Variants in SLC19A1 observed in about 807,000 individuals in gnomAD.
SLC19A1 encodes solute carrier family 19 member 1.
Under a neutral mutation model 35.3 loss-of-function variants are expected in SLC19A1, and 37 were observed. That is an observed-to-expected ratio of 1.05 (90% CI 0.81 to 1.38). The LOEUF (loss-of-function observed/expected upper bound fraction) is 1.38, where lower values mean the gene tolerates loss of function less well. SLC19A1 is among the 40% of genes most tolerant of loss of function. SLC19A1 has a pLI of 0.00. For missense variants in SLC19A1, 831 were observed against 826.9 expected (o/e 1.00, Z -0.06); for synonymous variants, 460 against 398.5 (o/e 1.15, Z -1.84).
At position 45,514,678 on chromosome 21, in the gene SLC19A1, A is replaced by C. The variant is rs961595908; in HGVS notation, c.*980T>G. On this transcript the variant is annotated 3_prime_UTR_variant, in exon 6 of 6. Coordinates refer to ENST00000311124, the MANE Select transcript of SLC19A1 (RefSeq NM_194255.4). ...CACTGACTGCTGACCCTCAACCCCC[A>C]GGCCAGGCCGGCCCTGAATCAGAAG... is the stretch of plus-strand genomic sequence containing the variant. 1 of 282,998 alleles carries C rather than the reference A, an allele frequency of 3.5e-6. No homozygotes were observed. Among genetic ancestry groups the C allele is most frequent in the Non-Finnish European group, 6.5e-6 (1 of 153,068 alleles). 17.5% of individuals were successfully genotyped at this position (282,998 alleles called of 1,614,324 possible). A position where few individuals can be genotyped will look rare whatever the true frequency, so the allele number is the denominator to read the frequency against.
At chr21:45,516,205 C>A in intron 5 of SLC19A1, 65 bp from the exon 6 acceptor site, 1 of 1,285,226 alleles carries the variant, frequency 7.8e-7, no homozygotes, top group Non-Finnish European at 1.1e-6. Context: ...ACCCTACACC[C>A]CGACGCCTGC....
At chr21:45,503,823 A>AT in intron 3 of SLC19A1, 2 of 411,026 alleles carry the variant, frequency 4.9e-6, no homozygotes. Context: ...AATAAAAATA[A>AT]AAAGGCACCA....
intron 5 of SLC19A1, among the ~76,000 whole-genome samples, chr21:45,522,274 C>G (rs1000431755): frequency 1.3e-5 from 2 of 152,072 alleles, no homozygotes; most frequent in African/African-American, 4.8e-5. Flanking sequence ...CAGGGAAATG[C>G]AAATTAAAAC....
rs747833734 is a variant in SLC19A1, at chr21:45,505,894, G to T, written c.498-7282C>A. 1.9e-6 allele frequency: 3 copies of T among 1,612,818 alleles called. No homozygotes were observed. The African/African-American group carries it at 4.0e-5, about 22-fold the overall frequency. ...TGGGCCAGGTGCACGAGGTTCCCGA[G>T]GGCTGGCTCATCTTCGTGGCCGAGC... On this transcript the variant is annotated intron_variant, in intron 3 of 4. Transcript: ENST00000417954.
Position 45,531,481 on chromosome 21 carries a change from T to C in SLC19A1, c.857A>G (p.Tyr286Cys), listed in dbSNP as rs759888970. The C allele has an allele frequency of 3.7e-6, 6 of 1,612,736 alleles. No homozygotes were observed. Among genetic ancestry groups the C allele is most frequent in the Non-Finnish European group, 4.2e-6 (5 of 1,179,760 alleles). ...CTCGTTCCACAGGATGTGCACGTAG[T>C]AGACCACCAGGTAGTAGCCGGCCGA... is the stretch of plus-strand genomic sequence containing the variant. ...FNSAGYYLVVYYVHILWNEVD... is the reference protein window; with the variant it reads ...FNSAGYYLVVCYVHILWNEVD... Residue 286 changes from tyrosine to cysteine, a missense_variant, in exon 3 of 6, where the codon TAC becomes TGC. Physicochemically the swap from Tyr to Cys is radical, Grantham distance 194. Coordinates refer to ENST00000311124, the MANE Select transcript of SLC19A1 (RefSeq NM_194255.4).
At chr21:45,508,118 AGTGGACG>A (rs2037336653), downstream of SLC19A1, among the ~76,000 whole-genome samples, 1 of 94,144 alleles carries the variant, frequency 1.1e-5, no homozygotes, top group African/African-American at 4.1e-5. Flanking sequence ...CAGGCGGGTG[AGTGGACG>A]GGTGGGTGGG....
At chr21:45,506,252 C>T in intron 3 of SLC19A1, 2 of 449,888 alleles carry the variant, frequency 4.4e-6, no homozygotes, top group East Asian at 9.1e-5. Context: ...TAAATGTCAC[C>T]TCACACACCC....
chr21:45,529,925 G>A (rs889476581), intron 4 of SLC19A1, among the ~76,000 whole-genome samples: 1 of 149,866 alleles, frequency 6.7e-6, no homozygotes, highest in African/African-American at 2.5e-5. Flanking sequence ...CTGTGAGTGT[G>A]TGTGTGTCCG....
intron 2 of SLC19A1, 52 bp downstream of exon 2, chr21:45,537,719 T>TGGGGGGGCCCCC: frequency 9.4e-6 from 3 of 319,776 alleles, no homozygotes; most frequent in African/African-American, 2.6e-5. Flanking sequence ...CAGACGCTGC[T>TGGGGGGGCCCCC]CCCCGCCCAC....
At chr21:45,527,174 G>A (rs1293732235) in intron 4 of SLC19A1, among the ~76,000 whole-genome samples, 1 of 150,730 alleles carries the variant, frequency 6.6e-6, no homozygotes, top group Non-Finnish European at 1.5e-5. Flanking sequence ...GGGCAGAGCG[G>A]GCCCTGGAGG....
chr21:45,512,098 C>A, downstream of SLC19A1: 1 of 1,430,392 alleles, frequency 7.0e-7, no homozygotes, highest in Non-Finnish European at 9.6e-7. Flanking sequence ...CAGGGCTGGC[C>A]TCCTGCCTCC....
downstream of SLC19A1, among the ~76,000 whole-genome samples, chr21:45,511,730 C>T (rs942127534): frequency 1.3e-5 from 2 of 152,218 alleles, no homozygotes; most frequent in South Asian, 4.1e-4. Flanking sequence ...CGGGGTGCCA[C>T]ACAGCGTGTC....
rs1050274678 is a variant in SLC19A1, at chr21:45,530,803, C to T, written c.1118G>A (p.Arg373His). Residue 373 changes from arginine to histidine, a missense_variant, in exon 4 of 6, where the codon CGC (arginine) becomes CAC (histidine). Arg to His is a conservative substitution (Grantham distance 29). Transcript: ENST00000311124. This position sits in a 1 kb window ranked among gnomAD's most constrained non-coding sequence, Gnocchi z 5.3. The part of the protein sequence containing the change: ...WLCYAAFVLF[R>H]GSYQFLVPIA... ...GGGCACGAGGAACTGGTAGGAGCCG[C>T]GGAACAGCACGAAGGCCGCATAGCA... 14 of 1,564,458 alleles carry T rather than the reference C, an allele frequency of 8.9e-6. No homozygotes were observed. Among genetic ancestry groups the T allele is most frequent in the Admixed American group, 7.7e-5 (4 of 52,030 alleles).
Position 45,514,462 on chromosome 21 carries a change from CCCAG to C in SLC19A1, c.*1192_*1195del, listed in dbSNP as rs2146178487. 2 of 152,396 alleles carry C rather than the reference CCCAG, an allele frequency of 1.3e-5. No homozygotes were observed. Among genetic ancestry groups the C allele is most frequent in the South Asian group, 4.1e-4 (2 of 4,846 alleles). The allele number at this position is 152,396 out of a possible 1,614,324, so 9.4% of individuals were successfully genotyped here. On this transcript the variant is annotated 3_prime_UTR_variant, in exon 6 of 6. Coordinates refer to ENST00000311124, the MANE Select transcript of SLC19A1 (RefSeq NM_194255.4). ...GGTCCAGCAGCTCCAGCAGCCCCTC[CCCAG>C]CCAGAGATTCTCTCCCCAGCTCTCC...
chr21:45,519,778 T>C (rs1034800828), intron 5 of SLC19A1, among the ~76,000 whole-genome samples: 4 of 152,092 alleles, frequency 2.6e-5, no homozygotes, highest in Non-Finnish European at 5.9e-5. Context: ...CAATTATACT[T>C]AGGAGACTTC....
In SLC19A1 at chr21:45,540,565, T is replaced by C. The variant is rs1386599721; in HGVS notation, c.-50+1803A>G. ...CTCTGCTGCCAGCATACTCAACTTA[T>C]GTGCCGTGAACGTAGCCCACTGACA... On this transcript the variant is annotated intron_variant, in intron 1 of 5. Transcript: ENST00000311124. This position sits in a 1 kb window ranked among gnomAD's most constrained non-coding sequence, Gnocchi z 5.5. 1.3e-5 allele frequency among the ~76,000 whole-genome samples: 2 copies of C among 152,222 alleles called. No homozygotes were observed. Among genetic ancestry groups the C allele is most frequent in the East Asian group, 1.9e-4 (1 of 5,202 alleles).
intron 3 of SLC19A1, chr21:45,505,160 C>T: frequency 5.0e-6 from 8 of 1,607,958 alleles, no homozygotes; most frequent in Non-Finnish European, 6.8e-6. Context: ...GCATCCGGGG[C>T]CAGCCCGGCC....
At chr21:45,528,668 T>C (rs2077736524) in intron 4 of SLC19A1, among the ~76,000 whole-genome samples, 1 of 152,160 alleles carries the variant, frequency 6.6e-6, no homozygotes, top group African/African-American at 2.4e-5. Context: ...TTATTAGAAT[T>C]TGGAAACAAA....
intron 1 of SLC19A1, among the ~76,000 whole-genome samples, chr21:45,553,660 CTT>C (rs2078492143): frequency 6.7e-4 from 25 of 37,406 alleles, no homozygotes; most frequent in African/African-American, 3.2e-3. Flanking sequence ...CCCGCGCCCC[CTT>C]CCCAGTCCCC....
Sources: gnomAD v4.1 joint callset for allele counts (sites outside exome capture counted in the v4.1 genomes callset) on GRCh38, gnomAD v4.1.1 for gene constraint, Gnocchi (gnomAD v3.1) non-coding constraint, MANE v1.5 for transcripts, NCBI Gene and HGNC (gene_info 2026-07-23, HGNC 2026-07-21) for gene names.